The following ABCG8 variants were observed in gnomAD, a reference collection of about 807,000 sequenced individuals.
ABCG8 encodes ATP binding cassette subfamily G member 8.
Under a neutral mutation model 71.3 loss-of-function variants are expected in ABCG8, and 81 were observed. That is an observed-to-expected ratio of 1.14 (90% confidence interval 0.95 to 1.37). The LOEUF is 1.37. Among genes scored for constraint, ABCG8 ranks in the 40% most tolerant of loss-of-function variants. ABCG8 has a pLI of 0.00. For synonymous variants in ABCG8, 451 were observed against 354.7 expected (o/e 1.27, Z -3.05); for missense variants, 1,119 against 866.2 (o/e 1.29, Z -3.66).
chr2:43,839,174 C>G (rs1414380656), intron 1 of ABCG8, 58 bp downstream of exon 1: 6 of 1,522,908 alleles, frequency 3.9e-6, no homozygotes, highest in Non-Finnish European at 5.3e-6. Flanking sequence ...GAAATCAAAC[C>G]TTTCTCTCTT....
rs554038965 is a variant in ABCG8 at position 43,851,632 on chromosome 2, G to A, written c.371G>A (p.Gly124Asp). ...GATGTGATCACTGGCCGAGGTCACGGCGGCAAGATCAAGTCAGGCCAGATC... is the reference window on the plus strand; with the variant it reads ...GATGTGATCACTGGCCGAGGTCACGACGGCAAGATCAAGTCAGGCCAGATC... ...LLDVITGRGH[G>D]GKIKSGQIWI... Residue 124 changes from glycine (G) to aspartate (D), a missense_variant, in exon 4 of 13, where the codon GGC becomes GAC. Gly to Asp is a moderately conservative substitution (Grantham distance 94). Coordinates refer to ENST00000272286, the MANE Select transcript of ABCG8 (RefSeq NM_022437.3). The A allele has an allele frequency of 2.5e-6, 4 of 1,614,254 alleles. No homozygotes were observed. The highest frequency in any genetic ancestry group is 4.5e-5 in the East Asian group (2 of 44,882).
In ABCG8 at chr2:43,852,448, G is replaced by C; in HGVS notation, c.656G>C (p.Arg219Thr). 1.9e-6 allele frequency: 3 copies of C among 1,613,236 alleles called. No individual in the cohort carries two copies. The highest frequency in any genetic ancestry group is 2.5e-6 in the Non-Finnish European group (3 of 1,180,014). The change falls in exon 5 of 13, where the codon AGG becomes ACG. Residue 219 changes from arginine (R) to threonine (T), a missense_variant. Physicochemically the swap from Arg to Thr is moderately conservative, Grantham distance 71 (BLOSUM62 -1). Transcript: ENST00000272286. ...YVRGLSGGER[R>T]RVSIGVQLLW... ...CGGGGGTTGTCGGGGGGTGAGCGCA[G>C]GAGAGTCAGCATTGGGGTGCAGCTC...
chr2:43,851,461 G>A, intron 3 of ABCG8, 123 bp from the exon 4 acceptor site: 1 of 1,095,272 alleles, frequency 9.1e-7, no homozygotes, highest in South Asian at 1.3e-5. Context: ...ACCTCTCTAG[G>A]GGCTGGTCAC....
At chr2:43,871,556 C>T (rs892074778) in intron 6 of ABCG8, among the ~76,000 whole-genome samples, 1 of 151,978 alleles carries the variant, frequency 6.6e-6, no homozygotes, top group Non-Finnish European at 1.5e-5. Context: ...CCCAACTTCT[C>T]CCCATGGAGG....
At chr2:43,856,576 A>T (rs978692419) in intron 6 of ABCG8, among the ~76,000 whole-genome samples, 1 of 151,846 alleles carries the variant, frequency 6.6e-6, no homozygotes, top group African/African-American at 2.4e-5. Flanking sequence ...CCCCATGTAG[A>T]TAGAACTCTC....
rs762395277 is a variant in ABCG8, at chr2:43,877,625, G to C, written c.1821G>C (p.Gln607His). 6.2e-7 allele frequency: 1 copy of C among 1,614,174 alleles called. No homozygotes were observed. The highest frequency in any genetic ancestry group is 8.5e-7 in the Non-Finnish European group (1 of 1,180,028). ...GTTTTGAAGGGCTGATGAAGATTCA[G>C]TTCAGCAGAAGAACTTATAAAATGC... ...RWCFEGLMKI[Q>H]FSRRTYKMPL... Residue 607 changes from glutamine (Q) to histidine (H), a missense_variant, in exon 12 of 13, where the codon CAG (glutamine) becomes CAC (histidine). Transcript: ENST00000272286.
intron 6 of ABCG8, among the ~76,000 whole-genome samples, chr2:43,867,423 C>G (rs1379678956): frequency 3.9e-5 from 6 of 151,974 alleles, no homozygotes; most frequent in African/African-American, 1.2e-4. Context: ...AGATAGAACT[C>G]TCACTCTCTA....
At chr2:43,877,428 G>T in intron 11 of ABCG8, 133 bp from the exon 12 acceptor site, 3 of 1,416,218 alleles carry the variant, frequency 2.1e-6, no homozygotes, top group Non-Finnish European at 3.0e-6. Context: ...TGGGAATATG[G>T]GGAGATCATG....
At chr2:43,843,796 A>G (rs6748810) in intron 1 of ABCG8, among the ~76,000 whole-genome samples, 61,075 of 151,966 alleles carry the variant, frequency 0.4, 12,984 homozygotes, top group East Asian at 0.84. Context: ...ACCATGAAAC[A>G]TTGATTTTTT....
intron 3 of ABCG8, chr2:43,847,881 C>T (rs1668794656): frequency 6.6e-6 from 1 of 151,598 alleles, no homozygotes; most frequent in Non-Finnish European, 1.5e-5. Flanking sequence ...ATGTCTCAGC[C>T]TCCCAAGTAG....
chr2:43,858,166 A>G (rs567697305), intron 6 of ABCG8, among the ~76,000 whole-genome samples: 7 of 151,136 alleles, frequency 4.6e-5, no homozygotes, highest in Admixed American at 2.0e-4. Context: ...GTCTGGATAG[A>G]GTTCTCACCA....
chr2:43,865,592 TCA>T (rs755030978), intron 6 of ABCG8, among the ~76,000 whole-genome samples: 909 of 139,320 alleles, frequency 6.5e-3, no homozygotes, highest in Middle Eastern at 0.032. Flanking sequence ...GATAGAATTC[TCA>T]CCCTCTAGAT....
intron 1 of ABCG8, among the ~76,000 whole-genome samples, chr2:43,841,950 G>A (rs1028028254): frequency 1.3e-5 from 2 of 151,952 alleles, no homozygotes; most frequent in African/African-American, 4.8e-5. Flanking sequence ...GCAGATATTT[G>A]TTTTAAAAAC....
chr2:43,863,222 G>A lies in ABCG8; in HGVS notation c.965-8754G>A, dbSNP rs191243200. On this transcript the variant is annotated intron_variant, in intron 6 of 12. Coordinates refer to ENST00000272286, the MANE Select transcript of ABCG8 (RefSeq NM_022437.3). ...GGATATAATTCTCACTCTCTGGATAGCACTCACTATCTGGATAGAATTCTC... is the reference window on the plus strand; with the variant it reads ...GGATATAATTCTCACTCTCTGGATAACACTCACTATCTGGATAGAATTCTC... Among the ~76,000 whole-genome samples, 1,381 of 150,332 alleles carry A rather than the reference G, an allele frequency of 9.2e-3. 9 individuals are homozygous for A. The highest frequency in any genetic ancestry group is 0.017 in the Middle Eastern group (5 of 286).
At chr2:43,863,376 A>T (rs2104934283) in intron 6 of ABCG8, among the ~76,000 whole-genome samples, 1 of 149,396 alleles carries the variant, frequency 6.7e-6, no homozygotes, top group Admixed American at 6.7e-5. Context: ...TAGAATTCTC[A>T]CTCTCTAGAT....
chr2:43,854,470 A>G (rs1669031656), intron 6 of ABCG8, among the ~76,000 whole-genome samples: 1 of 152,046 alleles, frequency 6.6e-6, no homozygotes, highest in Non-Finnish European at 1.5e-5. Flanking sequence ...TCTAATAAAA[A>G]TATATGAATT....
chr2:43,874,509 T>TCCC, intron 10 of ABCG8, 26 bp downstream of exon 10: 1 of 1,394,776 alleles, frequency 7.2e-7, no homozygotes, highest in Non-Finnish European at 9.8e-7. Context: ...TGAGAGCAAG[T>TCCC]GCCCCCCACC....
intron 6 of ABCG8, among the ~76,000 whole-genome samples, chr2:43,863,963 T>C (rs1194505032): frequency 6.6e-6 from 1 of 151,564 alleles, no homozygotes; most frequent in Admixed American, 6.6e-5. Flanking sequence ...ACTCTGTAGG[T>C]AGAACTCTTA....
In ABCG8 at chr2:43,846,986, G is replaced by A. The variant is rs547599296; in HGVS notation, c.322+675G>A. The A allele has an allele frequency of 1.3e-3, 124 of 92,332 alleles. 3 individuals carry two copies. Among genetic ancestry groups the A allele is most frequent in the Admixed American group, 9.2e-3 (93 of 10,112 alleles). The allele number at this position is 92,332 out of a possible 1,614,324, so 5.7% of individuals were successfully genotyped here. Reference sequence around the variant, plus strand: ...GTCTAGAGTATCCTCCTGCACGCGCGCGTGCACACACACACACACACACAC... The same window carrying A: ...GTCTAGAGTATCCTCCTGCACGCGCACGTGCACACACACACACACACACAC... On this transcript the variant is annotated intron_variant, in intron 3 of 12. Coordinates refer to ENST00000272286, the MANE Select transcript of ABCG8 (RefSeq NM_022437.3).
Sources: gnomAD v4.1 joint callset for allele counts (sites outside exome capture counted in the v4.1 genomes callset) on GRCh38, gnomAD v4.1.1 for gene constraint, MANE v1.5 for transcripts, NCBI Gene and HGNC (gene_info 2026-07-23, HGNC 2026-07-21) for gene names.